Variants in IKBKB-DT observed in about 807,000 individuals in gnomAD.
IKBKB-DT encodes the protein IKBKB divergent transcript, also known as IKBKB antisense RNA.
intron 3 of IKBKB-DT, among the ~76,000 whole-genome samples, chr8:42,262,542 C>T (rs1807304513): frequency 6.6e-6 from 1 of 151,802 alleles, no homozygotes; most frequent in Non-Finnish European, 1.5e-5. Flanking sequence ...TGGGTTCACG[C>T]CATTCTCCTG....
chr8:42,252,561 C>T (rs1807142852), intron 3 of IKBKB-DT, among the ~76,000 whole-genome samples: 1 of 152,180 alleles, frequency 6.6e-6, no homozygotes, highest in Non-Finnish European at 1.5e-5. Flanking sequence ...AAGACCAAGT[C>T]TCACTAGGTT....
intron 1 of IKBKB-DT, among the ~76,000 whole-genome samples, chr8:42,266,655 G>A (rs576528718): frequency 8.5e-5 from 13 of 152,284 alleles, no homozygotes; most frequent in Non-Finnish European, 1.8e-4. Context: ...GTCACAGAAC[G>A]AGACAGGAGG....
At chr8:42,248,853 G>A (rs1282681852) in intron 3 of IKBKB-DT, among the ~76,000 whole-genome samples, 2 of 143,690 alleles carry the variant, frequency 1.4e-5, no homozygotes, top group South Asian at 2.2e-4. Flanking sequence ...CTCCAGCCTG[G>A]CAACAGAGGC....
At chr8:42,269,680 G>A (rs1807494074) in intron 1 of IKBKB-DT, among the ~76,000 whole-genome samples, 1 of 151,744 alleles carries the variant, frequency 6.6e-6, no homozygotes, top group Admixed American at 6.6e-5. Flanking sequence ...GAGGGGAGAG[G>A]GGAGAAACCG....
chr8:42,255,808 G>A (rs933015266), intron 3 of IKBKB-DT, among the ~76,000 whole-genome samples: 7 of 151,904 alleles, frequency 4.6e-5, no homozygotes, highest in East Asian at 3.9e-4. Context: ...GGTGGATCAC[G>A]AGGTCAGGAG....
At chr8:42,234,681 GT>G (rs1320992636) in intron 3 of IKBKB-DT, among the ~76,000 whole-genome samples, 1 of 151,920 alleles carries the variant, frequency 6.6e-6, no homozygotes, top group African/African-American at 2.4e-5. Flanking sequence ...CCAGGCTGGA[GT>G]GCAGTGGTGC....
intron 3 of IKBKB-DT, among the ~76,000 whole-genome samples, chr8:42,248,750 G>T (rs1346391261): frequency 6.6e-6 from 1 of 151,724 alleles, no homozygotes; most frequent in Non-Finnish European, 1.5e-5. Context: ...GTGGTGACAG[G>T]CACCTGTAGT....
Position 42,269,563 on chromosome 8 carries a change from G to A in IKBKB-DT, n.603+1088C>T, listed in dbSNP as rs895792793. 5.4e-5 allele frequency among the ~76,000 whole-genome samples: 7 copies of A among 128,984 alleles called. No homozygotes were observed. In the Admixed American group the frequency reaches 5.6e-4, roughly 10 times the overall value. 84.6% of individuals were successfully genotyped at this position (128,984 alleles called of 152,430 possible). ...GAAAAGAAAGAAACCAAGTAGCCGG[G>A]AAGGGAAGGGAAGGGGAGGGGAGTG... On this transcript the variant is annotated intron_variant and non_coding_transcript_variant, in intron 1 of 3. Transcript: ENST00000518213.
rs1807314734 is a variant in IKBKB-DT at position 42,263,205 on chromosome 8, G to T, written n.1529+124C>A. On this transcript the variant is annotated intron_variant and non_coding_transcript_variant, in intron 3 of 3. Transcript: ENST00000518213. ...TTTTTGTATTTTTAGTAGAGACAGG[G>T]TCTTGCCATCTTGCCCAGGCTGGTC... 2.0e-5 allele frequency: 3 copies of T among 151,922 alleles called. No homozygotes were observed. The South Asian group carries it at 6.2e-4, about 32-fold the overall frequency. 9.4% of individuals were successfully genotyped at this position (151,922 alleles called of 1,614,324 possible).
intron 3 of IKBKB-DT, among the ~76,000 whole-genome samples, chr8:42,239,593 C>A (rs567442210): frequency 7.3e-4 from 42 of 57,516 alleles, no homozygotes; most frequent in African/African-American, 2.0e-3. Flanking sequence ...AATGAGCCAA[C>A]CAATTTTTGT....
intron 3 of IKBKB-DT, among the ~76,000 whole-genome samples, chr8:42,250,472 CT>C (rs935507039): frequency 1.3e-5 from 2 of 152,188 alleles, no homozygotes; most frequent in African/African-American, 4.8e-5. Flanking sequence ...AATTCAGGAT[CT>C]TCTATCCTCC....
At chr8:42,258,267 A>G (rs1807233871) in intron 3 of IKBKB-DT, among the ~76,000 whole-genome samples, 1 of 152,048 alleles carries the variant, frequency 6.6e-6, no homozygotes, top group Non-Finnish European at 1.5e-5. Flanking sequence ...ACTTAATCAC[A>G]CAAGATTCTC....
intron 3 of IKBKB-DT, among the ~76,000 whole-genome samples, chr8:42,254,306 A>G (rs1807165995): frequency 6.6e-6 from 1 of 152,256 alleles, no homozygotes; most frequent in Admixed American, 6.5e-5. Flanking sequence ...AATTTGCAAA[A>G]TAAGTCTAGT....
chr8:42,239,728 C>T lies in IKBKB-DT; in HGVS notation n.1530-5869G>A, dbSNP rs1422092358. Among the ~76,000 whole-genome samples, 4 of 148,996 alleles carry T rather than the reference C, an allele frequency of 2.7e-5. No homozygotes were observed. In the East Asian group the frequency reaches 7.9e-4, roughly 30 times the overall value. ...TGGCACGATCTTGGCTCACTGTAAC[C>T]TCTGCCTCACAGGTTCAAGTGATTC... On this transcript the variant is annotated intron_variant and non_coding_transcript_variant, in intron 3 of 3. Coordinates refer to ENST00000518213, the Ensembl canonical transcript of IKBKB-DT.
At chr8:42,240,017 G>A (rs928819900) in intron 3 of IKBKB-DT, among the ~76,000 whole-genome samples, 7 of 152,038 alleles carry the variant, frequency 4.6e-5, no homozygotes, top group African/African-American at 1.7e-4. Flanking sequence ...AAATCTTTTT[G>A]AATTTCTGTT....
At chr8:42,266,094 T>A (rs1807365443) in exon 2 of IKBKB-DT, 7 of 152,230 alleles carry the variant, frequency 4.6e-5, no homozygotes, top group Admixed American at 3.9e-4. Context: ...TCTAAACTAG[T>A]TTCTCCAACT....
At chr8:42,238,816 T>A (rs867462604) in intron 3 of IKBKB-DT, among the ~76,000 whole-genome samples, 31 of 152,186 alleles carry the variant, frequency 2.0e-4, no homozygotes, top group African/African-American at 7.5e-4. Flanking sequence ...CACACCCCTG[T>A]GATTTCATCC....
chr8:42,243,142 G>T (rs1169573233), intron 3 of IKBKB-DT, among the ~76,000 whole-genome samples: 1 of 152,136 alleles, frequency 6.6e-6, no homozygotes, highest in Non-Finnish European at 1.5e-5. Flanking sequence ...CTGGGCGGTT[G>T]GACTGGCATT....
At chr8:42,235,513 C>CT (rs1423977241) in intron 3 of IKBKB-DT, among the ~76,000 whole-genome samples, 2 of 152,066 alleles carry the variant, frequency 1.3e-5, no homozygotes, top group African/African-American at 4.8e-5. Context: ...CCTGATTGTC[C>CT]TTTTGAGATG....
Sources: allele counts gnomAD v4.1 joint callset (sites outside exome capture counted in the v4.1 genomes callset), GRCh38; gene constraint gnomAD v4.1.1; transcripts MANE v1.5; gene names NCBI Gene and HGNC (gene_info 2026-07-23, HGNC 2026-07-21).